KLRG1: variants seen among roughly 807,000 people sequenced by gnomAD.
KLRG1 encodes the protein killer cell lectin-like receptor subfamily G member 1.
KLRG1 carries 16 observed loss-of-function variants against 21.8 expected under a neutral mutation model. The observed-to-expected ratio is 0.73, with a 90% confidence interval of 0.50 to 1.11. The LOEUF is 1.11. KLRG1 is among the 50% of genes most tolerant of loss of function. KLRG1 has a pLI of 0.00. For synonymous variants in KLRG1, 69 were observed against 75.9 expected, an observed-to-expected ratio of 0.91 and a Z score of 0.47; for missense variants, 173 against 218.3, an observed-to-expected ratio of 0.79 and a Z score of 1.31.
chr12:9,079,853 A>G, the KLRG1 span: 1 of 1,495,368 alleles, frequency 6.7e-7, no homozygotes, highest in Non-Finnish European at 8.9e-7. Context: ...TAAAGCTTGG[A>G]GATTATCATC....
chr12:9,049,737 C>T, the KLRG1 span, among the ~76,000 whole-genome samples: 5 of 152,106 alleles, frequency 3.3e-5, no homozygotes, highest in African/African-American at 4.8e-5. Context: ...CTGTGGCTAT[C>T]TTTTATTACT....
the KLRG1 span, among the ~76,000 whole-genome samples, chr12:9,081,706 A>C: frequency 6.6e-6 from 1 of 152,214 alleles, no homozygotes; most frequent in African/African-American, 2.4e-5. Context: ...CACAGTTTCT[A>C]CAGCGGGGAA....
chr12:9,012,406 G>T (rs1009158624), downstream of KLRG1, among the ~76,000 whole-genome samples: 2 of 152,060 alleles, frequency 1.3e-5, no homozygotes, highest in African/African-American at 4.8e-5. Context: ...TGAAAGGAAG[G>T]ACCCAGTCCA....
the KLRG1 span, among the ~76,000 whole-genome samples, chr12:9,083,950 C>T: frequency 3.9e-5 from 6 of 152,070 alleles, no homozygotes; most frequent in African/African-American, 1.4e-4. Flanking sequence ...AAACATATCA[C>T]ATACAAAGGA....
At chr12:9,112,837 A>G in the KLRG1 span, 2 of 370,040 alleles carry the variant, frequency 5.4e-6, no homozygotes, top group African/African-American at 4.1e-5. Context: ...CTGATATTAC[A>G]TGCTAAAAGG....
At chr12:9,166,676 G>C in the KLRG1 span, among the ~76,000 whole-genome samples, 1 of 152,170 alleles carries the variant, frequency 6.6e-6, no homozygotes, top group Non-Finnish European at 1.5e-5. Context: ...TTAAATCACT[G>C]TATGGAACTT....
chr12:9,204,762 A>T, the KLRG1 span, among the ~76,000 whole-genome samples: 4 of 152,152 alleles, frequency 2.6e-5, no homozygotes, highest in Admixed American at 2.6e-4. Context: ...TTTGTTTCGA[A>T]TCACATGGGT....
chr12:9,010,037 C>T lies in KLRG1; in HGVS notation c.*500C>T. On this transcript the variant is annotated 3_prime_UTR_variant, in exon 5 of 5. Coordinates refer to ENST00000356986, the MANE Select transcript of KLRG1 (RefSeq NM_005810.4). ...ATCAAGCTTTATTCTGAAGAATAAA[C>T]CTAGCTGGCATGCTGGTGTGTACCT... is the stretch of plus-strand genomic sequence containing the variant. The T allele has an allele frequency of 1.3e-6, 2 of 1,529,662 alleles. No individual in the cohort carries two copies. The highest frequency in any genetic ancestry group is 1.8e-6 in the Non-Finnish European group (2 of 1,142,222). The allele number at this position is 1,529,662 out of a possible 1,614,324, so 94.8% of individuals were successfully genotyped here. A position where few individuals can be genotyped will look rare whatever the true frequency, so the allele number is the denominator to read the frequency against.
At chr12:9,015,846 T>C in the KLRG1 span, among the ~76,000 whole-genome samples, 3 of 152,102 alleles carry the variant, frequency 2.0e-5, no homozygotes, top group Non-Finnish European at 2.9e-5. Context: ...TAGAAGTCAG[T>C]AACAAGAGGA....
chr12:9,096,964 G>T, the KLRG1 span, among the ~76,000 whole-genome samples: 994 of 152,274 alleles, frequency 6.5e-3, 6 homozygotes, highest in African/African-American at 0.023. Context: ...TAGCAGCAAA[G>T]TGTTTCATTG....
At chr12:9,061,878 A>G in the KLRG1 span, among the ~76,000 whole-genome samples, 1 of 152,154 alleles carries the variant, frequency 6.6e-6, no homozygotes, top group Non-Finnish European at 1.5e-5. Flanking sequence ...GCTAATAGCT[A>G]ATATTTTCGT....
At chr12:9,137,946 A>G in the KLRG1 span, among the ~76,000 whole-genome samples, 1 of 152,124 alleles carries the variant, frequency 6.6e-6, no homozygotes, top group East Asian at 1.9e-4. Flanking sequence ...TTAATACATA[A>G]TATAATGGCA....
At chr12:9,111,950 G>A in the KLRG1 span, 7 of 728,876 alleles carry the variant, frequency 9.6e-6, no homozygotes, top group Non-Finnish European at 1.5e-5. Flanking sequence ...TGTGACAACT[G>A]ACTGAGTACC....
At chr12:9,149,108 A>G in the KLRG1 span, 7 of 906,000 alleles carry the variant, frequency 7.7e-6, no homozygotes, top group Non-Finnish European at 1.3e-5. Context: ...GAAAGGCCAG[A>G]TGGTAATTAT....
chr12:9,150,621 T>C, the KLRG1 span: 1 of 1,480,632 alleles, frequency 6.8e-7, no homozygotes, highest in South Asian at 1.2e-5. Context: ...TGGTTAAGAT[T>C]GTTTCATTTT....
chr12:9,065,151 T>TCCCCCCCCCCCCCCC, the KLRG1 span: 149 of 52,668 alleles, frequency 2.8e-3, no homozygotes, highest in African/African-American at 3.6e-3. Flanking sequence ...ATTCCCTTCC[T>TCCCCCCCCCCCCCCC]CCCCCCCCCC....
At chr12:9,071,013 T>G in the KLRG1 span, among the ~76,000 whole-genome samples, 1 of 151,978 alleles carries the variant, frequency 6.6e-6, no homozygotes, top group Non-Finnish European at 1.5e-5. Flanking sequence ...ACAGACGGGG[T>G]TTCTCCATGT....
At chr12:9,055,611 T>A in the KLRG1 span, 1 of 152,478 alleles carries the variant, frequency 6.6e-6, no homozygotes, top group East Asian at 1.9e-4. Flanking sequence ...AAATACATAT[T>A]TATTTGCCAA....
Position 9,010,058 on chromosome 12 carries a change from T to C in KLRG1, c.*521T>C, listed in dbSNP as rs368980192. The C allele has an allele frequency of 5.3e-5, 81 of 1,516,602 alleles. 1 individual carries two copies. In the South Asian group the frequency reaches 7.7e-4, roughly 14 times the overall value. The allele number at this position is 1,516,602 out of a possible 1,614,324, so 93.9% of individuals were successfully genotyped here. A position where few individuals can be genotyped will look rare whatever the true frequency, so the allele number is the denominator to read the frequency against. ...TAAACCTAGCTGGCATGCTGGTGTG[T>C]ACCTGTAGTCCTAGCTATTTGGGAA... is the stretch of plus-strand genomic sequence containing the variant. On this transcript the variant is annotated 3_prime_UTR_variant, in exon 5 of 5. Transcript: ENST00000356986.
Sources: allele counts gnomAD v4.1 joint callset (sites outside exome capture counted in the v4.1 genomes callset), GRCh38; gene constraint gnomAD v4.1.1; transcripts MANE v1.5; gene names NCBI Gene and HGNC (gene_info 2026-07-23, HGNC 2026-07-21).